Variants in PCDH15 observed in about 807,000 individuals in gnomAD.
PCDH15 encodes the protein protocadherin related 15.
Under a neutral mutation model 178.5 loss-of-function variants are expected in PCDH15, and 129 were observed. The ratio of observed to expected loss-of-function variants is 0.72; its 90% confidence interval spans 0.63 to 0.84. PCDH15 has a LOEUF of 0.84. Ranked by LOEUF, PCDH15 falls within the 40% of genes least tolerant of loss-of-function variation. PCDH15 has a pLI of 0.00. For synonymous variants in PCDH15, 800 were observed against 732.0 expected, an observed-to-expected ratio of 1.09 and a Z score of -1.50; for missense variants, 2,230 against 2,099.9, an observed-to-expected ratio of 1.06 and a Z score of -1.21.
intron 20 of PCDH15, among the ~76,000 whole-genome samples, chr10:54,009,820 C>A (rs557047923): frequency 6.6e-6 from 1 of 152,288 alleles, no homozygotes; most frequent in South Asian, 2.1e-4. Context: ...GAGCTCCCCA[C>A]CGGTGCCTCC....
At chr10:53,885,383 C>T (rs1184226517) in intron 26 of PCDH15, among the ~76,000 whole-genome samples, 2 of 151,090 alleles carry the variant, frequency 1.3e-5, no homozygotes, top group East Asian at 3.9e-4. Context: ...GACCAAAAAA[C>T]CTTCAATATG....
chr10:54,197,934 T>C (rs935541036), intron 10 of PCDH15, among the ~76,000 whole-genome samples: 1 of 152,230 alleles, frequency 6.6e-6, no homozygotes, highest in Non-Finnish European at 1.5e-5. Flanking sequence ...TTTAATATAT[T>C]GATATCTCTA....
intron 26 of PCDH15, among the ~76,000 whole-genome samples, chr10:53,902,006 C>A (rs1203977105): frequency 6.6e-6 from 1 of 152,090 alleles, no homozygotes; most frequent in Non-Finnish European, 1.5e-5. Context: ...GTCAATTGCT[C>A]TATATCAAAC....
At chr10:55,016,159 C>T (rs1840174575) in intron 2 of PCDH15, among the ~76,000 whole-genome samples, 1 of 139,862 alleles carries the variant, frequency 7.1e-6, no homozygotes, top group African/African-American at 2.7e-5. Context: ...TTGTGGGAAA[C>T]ATGAGATATT....
Position 54,728,492 on chromosome 10 carries a change from G to T in PCDH15, c.-28-64202C>A, listed in dbSNP as rs573112291. Among the ~76,000 whole-genome samples, 4 of 150,574 alleles carry T rather than the reference G, an allele frequency of 2.7e-5. No homozygotes were observed. The South Asian group carries it at 8.5e-4, about 32-fold the overall frequency. The stretch of plus-strand genomic sequence containing the variant: ...CCCACAGAGAACATCATACTGAATC[G>T]GCACATGCTGGAAGAATTCTTCTTG... On this transcript the variant is annotated intron_variant, in intron 1 of 37. Coordinates refer to ENST00000644397, the MANE Select transcript of PCDH15 (RefSeq NM_001384140.1).
intron 1 of PCDH15, among the ~76,000 whole-genome samples, chr10:54,677,547 A>T (rs1287983925): frequency 2.0e-5 from 3 of 152,154 alleles, no homozygotes; most frequent in African/African-American, 7.2e-5. Flanking sequence ...GGAAGGGATC[A>T]TAAATGCATA....
At chr10:55,407,752 A>G (rs1838232357) in intron 2 of PCDH15, among the ~76,000 whole-genome samples, 2 of 152,194 alleles carry the variant, frequency 1.3e-5, no homozygotes, top group African/African-American at 4.8e-5. Flanking sequence ...TATAAGACGC[A>G]TTTCTTAGAA....
At chr10:55,352,272 CTA>C (rs1186113652) in intron 2 of PCDH15, among the ~76,000 whole-genome samples, 3 of 151,946 alleles carry the variant, frequency 2.0e-5, no homozygotes, top group Non-Finnish European at 4.4e-5. Context: ...TTATTTTAGA[CTA>C]TGGAAATTTT....
At chr10:53,996,014 A>G (rs1415322010) in intron 20 of PCDH15, among the ~76,000 whole-genome samples, 4 of 152,244 alleles carry the variant, frequency 2.6e-5, no homozygotes, top group East Asian at 1.9e-4. Context: ...CCTCAAAAAC[A>G]TGCCTTTTGG....
chr10:55,402,086 C>T (rs1838084770), intron 2 of PCDH15, among the ~76,000 whole-genome samples: 4 of 151,662 alleles, frequency 2.6e-5, no homozygotes, highest in Admixed American at 2.6e-4. Flanking sequence ...CACTTCACAC[C>T]TGAGTGACCC....
intron 2 of PCDH15, among the ~76,000 whole-genome samples, chr10:54,628,218 C>T (rs1246351867): frequency 2.0e-5 from 3 of 152,184 alleles, no homozygotes; most frequent in Non-Finnish European, 4.4e-5. Flanking sequence ...TGGCTAAACA[C>T]ACAACATCCA....
chr10:55,537,433 A>G (rs1185604287), intron 2 of PCDH15, among the ~76,000 whole-genome samples: 1 of 151,346 alleles, frequency 6.6e-6, no homozygotes, highest in Non-Finnish European at 1.5e-5. Flanking sequence ...GTATGTATGT[A>G]TGTATTTATT....
intron 2 of PCDH15, among the ~76,000 whole-genome samples, chr10:55,377,673 G>A (rs1837433113): frequency 2.0e-5 from 3 of 151,764 alleles, no homozygotes; most frequent in Non-Finnish European, 4.4e-5. Flanking sequence ...GGTTTACCTG[G>A]TACTAACCTT....
rs564661222 is a variant in PCDH15 at position 54,219,549 on chromosome 10, C to T, written c.986-5501G>A. 4.3e-5 allele frequency among the ~76,000 whole-genome samples: 6 copies of T among 141,014 alleles called. No homozygotes were observed. In the East Asian group the frequency reaches 6.4e-4, roughly 15 times the overall value. The allele number at this position is 141,014 out of a possible 152,430, so 92.5% of individuals were successfully genotyped here. A position where few individuals can be genotyped will look rare whatever the true frequency, so the allele number is the denominator to read the frequency against. ...TGGAGCTTGCAGTGAGCCAAGATCC[C>T]GCCACTGCACTCCAGCTTGGGTAAC... On this transcript the variant is annotated intron_variant, in intron 9 of 37. Transcript: ENST00000644397.
chr10:54,408,585 C>A (rs143825405), intron 3 of PCDH15, among the ~76,000 whole-genome samples: 2 of 152,256 alleles, frequency 1.3e-5, no homozygotes, highest in East Asian at 3.9e-4. Context: ...TGCTGTGGAT[C>A]AGCTTACACA....
chr10:54,807,582 T>A (rs1032530952), intron 3 of PCDH15, among the ~76,000 whole-genome samples: 1 of 151,406 alleles, frequency 6.6e-6, no homozygotes, highest in Admixed American at 6.6e-5. Flanking sequence ...CCTTATGTTG[T>A]CTGTCTTTAA....
At chr10:55,033,318 C>T (rs1213158656) in intron 2 of PCDH15, among the ~76,000 whole-genome samples, 1 of 152,138 alleles carries the variant, frequency 6.6e-6, no homozygotes, top group African/African-American at 2.4e-5. Context: ...AGGCACTGAA[C>T]TCCAACCCAT....
At position 54,578,977 on chromosome 10, in the gene PCDH15, T is replaced by C. The variant is rs138609082; in HGVS notation, c.92-51100A>G. On this transcript the variant is annotated intron_variant, in intron 2 of 37. Coordinates refer to ENST00000644397, the MANE Select transcript of PCDH15 (RefSeq NM_001384140.1). ...GAATTTGTAATCACTAGACCAGCTTTACAAGGCAACCTCAGCGGAGTCCTA... is the reference window on the plus strand; with the variant it reads ...GAATTTGTAATCACTAGACCAGCTTCACAAGGCAACCTCAGCGGAGTCCTA... 2.5e-3 allele frequency among the ~76,000 whole-genome samples: 381 copies of C among 152,246 alleles called. 1 individual carries two copies. Among genetic ancestry groups the C allele is most frequent in the Admixed American group, 6.2e-3 (95 of 15,264 alleles).
intron 8 of PCDH15, among the ~76,000 whole-genome samples, chr10:54,291,405 T>A (rs2059393716): frequency 6.6e-6 from 1 of 151,960 alleles, no homozygotes; most frequent in Non-Finnish European, 1.5e-5. Flanking sequence ...ATATCACAGC[T>A]GAAAGAACTA....
Sources: gnomAD v4.1 joint callset for allele counts (sites outside exome capture counted in the v4.1 genomes callset) on GRCh38, gnomAD v4.1.1 for gene constraint, MANE v1.5 for transcripts, NCBI Gene and HGNC (gene_info 2026-07-23, HGNC 2026-07-21) for gene names.